Variants in FARP1 observed in about 807,000 individuals in gnomAD.
FARP1 encodes the protein FERM, ARH/RhoGEF and pleckstrin domain protein 1.
Under a neutral mutation model 128.8 loss-of-function variants are expected in FARP1, and 52 were observed. The observed-to-expected ratio is 0.40, with a 90% CI of 0.32 to 0.51. The LOEUF (loss-of-function observed/expected upper bound fraction) is 0.51. Ranked by LOEUF, FARP1 falls within the 20% of genes least tolerant of loss-of-function variation. The pLI is 0.45. For missense variants in FARP1, 1,333 were observed against 1,367.9 expected (o/e 0.97, Z 0.40); for synonymous variants, 580 against 551.8 (o/e 1.05, Z -0.72).
In FARP1 at chr13:98,409,371, T is replaced by G. The variant is rs765534327; in HGVS notation, c.1448T>G (p.Leu483Arg). ...SLTGSPHLSE[L>R]SVNSQGGVAP... Reference sequence around the variant, plus strand: ...ACTGGCAGTCCTCACCTTTCCGAGCTGTCTGTGAACTCGCAGGGGGGAGTG... The same window carrying G: ...ACTGGCAGTCCTCACCTTTCCGAGCGGTCTGTGAACTCGCAGGGGGGAGTG... Residue 483 changes from leucine to arginine, a missense_variant, in exon 14 of 27, where the codon CTG becomes CGG. By Grantham distance (102) the Leu-to-Arg change is moderately radical. Coordinates refer to ENST00000319562, the MANE Select transcript of FARP1 (RefSeq NM_005766.4). The G allele has an allele frequency of 6.2e-7, 1 of 1,614,026 alleles. No individual in the cohort carries two copies. Among genetic ancestry groups the G allele is most frequent in the Non-Finnish European group, 8.5e-7 (1 of 1,179,960 alleles).
intron 3 of FARP1, among the ~76,000 whole-genome samples, chr13:98,346,127 A>C (rs1215558259): frequency 2.0e-5 from 3 of 151,534 alleles, no homozygotes; most frequent in Admixed American, 1.3e-4. Context: ...TGACCATATC[A>C]CTAAACTGAC....
intron 1 of FARP1, among the ~76,000 whole-genome samples, chr13:98,188,242 C>A (rs929164005): frequency 1.3e-5 from 2 of 152,066 alleles, no homozygotes; most frequent in African/African-American, 4.8e-5. Flanking sequence ...AAGAAAGAAG[C>A]CTTCATAAAT....
At chr13:98,220,441 A>G (rs1881350611) in intron 2 of FARP1, among the ~76,000 whole-genome samples, 1 of 152,194 alleles carries the variant, frequency 6.6e-6, no homozygotes, top group South Asian at 2.1e-4. Flanking sequence ...TAGCATGTTC[A>G]CCCAGCTTTA....
intron 2 of FARP1, among the ~76,000 whole-genome samples, chr13:98,320,140 T>A (rs530649665): frequency 6.6e-6 from 1 of 152,290 alleles, no homozygotes; most frequent in African/African-American, 2.4e-5. Context: ...CAGACCTGCA[T>A]GCTTAGTGTC....
At chr13:98,327,814 G>T (rs1419681066) in intron 2 of FARP1, among the ~76,000 whole-genome samples, 8 of 152,158 alleles carry the variant, frequency 5.3e-5, no homozygotes, top group Non-Finnish European at 8.8e-5. Flanking sequence ...CTGCAAAGCG[G>T]GCATTCTGAC....
intron 13 of FARP1, chr13:98,397,885 G>A (rs535074347): frequency 2.4e-4 from 31 of 129,118 alleles, no homozygotes; most frequent in Non-Finnish European, 3.3e-4. Context: ...TTCAGCCTTA[G>A]GTACTTTTTT....
chr13:98,352,543 T>C (rs1209155733), intron 3 of FARP1, among the ~76,000 whole-genome samples: 1 of 152,182 alleles, frequency 6.6e-6, no homozygotes. Flanking sequence ...TTCAACACTG[T>C]ACAGAAACAA....
rs531432060 is a variant in FARP1 at position 98,448,275 on chromosome 13, G to T, written c.3096G>T (p.Ser1032=). ...TCCGCAGTGCCACCAGCTCTGCCTC[G>T]CGACCCCACGTGTTGAGTCACAAAG... The part of the protein sequence containing the change: ...EVIRSATSSA[S]RPHVLSHKES... The change falls in exon 27 of 27, where the codon TCG becomes TCT. Residue 1032 remains serine, a synonymous_variant. Transcript: ENST00000319562. 2.5e-6 allele frequency: 4 copies of T among 1,614,112 alleles called. No homozygotes were observed. The African/African-American group carries it at 5.3e-5, about 22-fold the overall frequency.
intron 2 of FARP1, among the ~76,000 whole-genome samples, chr13:98,285,641 G>T (rs531134713): frequency 1.3e-5 from 2 of 151,412 alleles, no homozygotes; most frequent in African/African-American, 4.8e-5. Flanking sequence ...TTTGTTTTGC[G>T]TATTTGGTCT....
At chr13:98,323,710 A>T (rs1402752781) in intron 2 of FARP1, among the ~76,000 whole-genome samples, 6 of 151,878 alleles carry the variant, frequency 4.0e-5, no homozygotes, top group Non-Finnish European at 8.8e-5. Flanking sequence ...AGAAAGACAG[A>T]TTGTAAAAAC....
intron 13 of FARP1, 105 bp from the exon 14 acceptor site, chr13:98,409,233 G>A (rs1835587670): frequency 1.4e-5 from 12 of 863,508 alleles, no homozygotes; most frequent in Non-Finnish European, 1.7e-5. Flanking sequence ...GCCATGGCGG[G>A]GTAGTCAAAT....
intron 1 of FARP1, among the ~76,000 whole-genome samples, chr13:98,197,978 C>T (rs1879685979): frequency 1.3e-5 from 2 of 152,144 alleles, no homozygotes; most frequent in African/African-American, 4.8e-5. Context: ...AATATGCTGA[C>T]TAGATTTGGA....
chr13:98,215,484 C>T (rs1337567082), intron 2 of FARP1, among the ~76,000 whole-genome samples: 1 of 152,128 alleles, frequency 6.6e-6, no homozygotes, highest in Non-Finnish European at 1.5e-5. Flanking sequence ...TTTAACCTGT[C>T]TGTATCGATA....
chr13:98,271,429 A>C (rs757346803), intron 2 of FARP1, among the ~76,000 whole-genome samples: 1 of 152,234 alleles, frequency 6.6e-6, no homozygotes, highest in Non-Finnish European at 1.5e-5. Context: ...GTTCTGGGAT[A>C]CATGTGTAGA....
rs191460720 is a variant in FARP1, at chr13:98,150,711, G to A, written c.-24+7219G>A. Reference sequence around the variant, plus strand: ...GATCAGGCTCCATTTACTGGATGGCGATGGAACACTTTTGTTCTTACCTAA... The same window carrying A: ...GATCAGGCTCCATTTACTGGATGGCAATGGAACACTTTTGTTCTTACCTAA... On this transcript the variant is annotated intron_variant, in intron 1 of 26. Transcript: ENST00000319562. Among the ~76,000 whole-genome samples, 532 of 152,256 alleles carry A rather than the reference G, an allele frequency of 3.5e-3. 1 individual carries two copies. Among genetic ancestry groups the A allele is most frequent in the African/African-American group, 0.012 (499 of 41,554 alleles).
chr13:98,156,368 G>A (rs7350642), intron 1 of FARP1, among the ~76,000 whole-genome samples: 139 of 152,254 alleles, frequency 9.1e-4, no homozygotes, highest in Middle Eastern at 3.4e-3. Context: ...TTATAATAAC[G>A]TTCTTTTTAG....
intron 2 of FARP1, chr13:98,331,921 A>G (rs2139830014): frequency 6.6e-6 from 1 of 152,270 alleles, no homozygotes; most frequent in South Asian, 2.1e-4. Flanking sequence ...AAATGACATC[A>G]AAGTTAGTTT....
Position 98,448,378 on chromosome 13 carries a change from T to C in FARP1, c.*61T>C. The C allele has an allele frequency of 8.5e-6, 11 of 1,295,838 alleles. No homozygotes were observed. Among genetic ancestry groups the C allele is most frequent in the Non-Finnish European group, 1.2e-5 (11 of 890,558 alleles). The allele number at this position is 1,295,838 out of a possible 1,614,324, so 80.3% of individuals were successfully genotyped here. On this transcript the variant is annotated 3_prime_UTR_variant, in exon 27 of 27. Transcript: ENST00000319562. ...CCTGGAAGACGTTTCCTTTCTTCTG[T>C]ATTAATGAAGCCTGGTAAAATTAAC...
rs376751812 is a variant in FARP1 at position 98,283,454 on chromosome 13, G to C, written c.172-60308G>C. Among the ~76,000 whole-genome samples the C allele has an allele frequency of 1.1e-3, 160 of 152,274 alleles. 1 individual carries two copies. In the South Asian group the frequency reaches 0.032, roughly 30 times the overall value. ...GCCTAAGGATGCAGCAGAGTTTACC[G>C]AAGCCCTTGCAGAGAGGCAGGATAA... On this transcript the variant is annotated intron_variant, in intron 2 of 26. Transcript: ENST00000319562.
Sources: allele counts gnomAD v4.1 joint callset (sites outside exome capture counted in the v4.1 genomes callset), GRCh38; gene constraint gnomAD v4.1.1; transcripts MANE v1.5; gene names NCBI Gene and HGNC (gene_info 2026-07-23, HGNC 2026-07-21).